Variants in FBN3 observed in about 807,000 individuals in gnomAD.
FBN3 encodes the protein fibrillin-3.
Under a neutral mutation model 330.1 loss-of-function variants are expected in FBN3, and 234 were observed. That is an observed-to-expected ratio of 0.71 (90% CI 0.64 to 0.79). The LOEUF (loss-of-function observed/expected upper bound fraction) is 0.79, where lower values mean the gene tolerates loss of function less well. Ranked by LOEUF, FBN3 falls within the 30% of genes least tolerant of loss-of-function variation. The pLI, the probability that FBN3 is intolerant of heterozygous loss-of-function variation, is 0.00. For missense variants in FBN3, 3,606 were observed against 3,886.9 expected (o/e 0.93, Z 1.92); for synonymous variants, 1,458 against 1,517.3 (o/e 0.96, Z 0.91).
Position 8,089,569 on chromosome 19 carries a change from C to T in FBN3, c.6352G>A (p.Asp2118Asn), listed in dbSNP as rs2082046172. The T allele has an allele frequency of 2.5e-6, 4 of 1,614,146 alleles. No individual in the cohort carries two copies. Among genetic ancestry groups the T allele is most frequent in the Non-Finnish European group, 3.4e-6 (4 of 1,180,006 alleles). Reference protein sequence around the residue: ...RCECPFGYSLDFTGINCVDTD... With the variant: ...RCECPFGYSLNFTGINCVDTD... ...CCCACACAGTTGATGCCAGTGAAGTCCAGGCTGTAGCCAAAGGGACACTCA... is the reference window on the plus strand; with the variant it reads ...CCCACACAGTTGATGCCAGTGAAGTTCAGGCTGTAGCCAAAGGGACACTCA... Residue 2118 changes from aspartate to asparagine, a missense_variant, in exon 51 of 64, where the codon GAC becomes AAC. Coordinates refer to ENST00000600128, the MANE Select transcript of FBN3 (RefSeq NM_032447.5).
rs536831186 is a variant in FBN3, at chr19:8,125,705, C to T, written c.2731+187G>A. Among the ~76,000 whole-genome samples the T allele has an allele frequency of 1.3e-3, 197 of 151,422 alleles. 1 individual carries two copies. The highest frequency in any genetic ancestry group is 4.5e-3 in the African/African-American group (185 of 41,274). On this transcript the variant is annotated intron_variant, in intron 22 of 63. Transcript: ENST00000600128. ...ACTCAGGAGGCTGAGGCAGGAGAAT[C>T]GCTTGAACCCGGGAGGCGGAAGTTA...
intron 38 of FBN3, among the ~76,000 whole-genome samples, chr19:8,105,115 C>T (rs900571213): frequency 1.3e-5 from 2 of 151,630 alleles, no homozygotes; most frequent in Non-Finnish European, 2.9e-5. Context: ...TCACTATGCC[C>T]GGCTAATTTT....
Position 8,089,922 on chromosome 19 carries a change from TG to T in FBN3, c.6221del (p.Ala2074GlufsTer12). On this transcript the variant is annotated frameshift_variant, in exon 50 of 64. Transcript: ENST00000600128. LOFTEE classifies it high-confidence loss of function. Reference protein sequence around the residue: ...FQELCPFGHGAVPGPDDSRED... With the variant: ...FQELCPFGHGXVPGPDDSRED... ...CTCGGGAGTCATCCGGGCCTGGGAC[TG>T]CCCCGTGGCCAAAGGGGCAGAGCTC... The T allele has an allele frequency of 6.2e-7, 1 of 1,606,630 alleles. No homozygotes were observed. Among genetic ancestry groups the T allele is most frequent in the Non-Finnish European group, 8.5e-7 (1 of 1,177,262 alleles).
Position 8,081,084 on chromosome 19 carries a change from G to A in FBN3, c.7372C>T (p.Gln2458Ter), listed in dbSNP as rs927168879. Residue 2458 changes from glutamine (Q) to a stop codon, truncating the protein, a stop_gained, in exon 59 of 64, where the codon CAG (glutamine) becomes TAG (stop). Transcript: ENST00000600128. LOFTEE classifies it high-confidence loss of function. ...CCCACAGTGTTGACACAGAGGAACT[G>A]ACAGTTGTGCTGCCGGGAGGTGCAT... ...DECTSRQHNC[Q>*]FLCVNTVGAF... 7.4e-6 allele frequency: 12 copies of A among 1,613,696 alleles called. No homozygotes were observed. The highest frequency in any genetic ancestry group is 1.6e-4 in the Middle Eastern group (1 of 6,080).
chr19:8,080,974 C>G, intron 59 of FBN3, 29 bp downstream of exon 59: 1 of 1,508,320 alleles, frequency 6.6e-7, no homozygotes, highest in Non-Finnish European at 9.2e-7. Flanking sequence ...TCATGGGTCA[C>G]CTCCCGGTGA....
intron 63 of FBN3, among the ~76,000 whole-genome samples, chr19:8,070,793 C>T (rs535820344): frequency 1.9e-4 from 29 of 152,180 alleles, no homozygotes; most frequent in East Asian, 5.8e-4. Context: ...GAGGCCGAGC[C>T]GGGTGGATCA....
Position 8,106,234 on chromosome 19 carries a change from C to T in FBN3, c.4688-1G>A, listed in dbSNP as rs763235992. 2 of 1,614,150 alleles carry T rather than the reference C, an allele frequency of 1.2e-6. No homozygotes were observed. Among genetic ancestry groups the T allele is most frequent in the Non-Finnish European group, 1.7e-6 (2 of 1,180,012 alleles). ...GGCAGCTCTTGGCACTCGTCGATGTCTGTCAGGAAGTAAGGAAGCCAAGCT... is the reference window on the plus strand; with the variant it reads ...GGCAGCTCTTGGCACTCGTCGATGTTTGTCAGGAAGTAAGGAAGCCAAGCT... On this transcript the variant is annotated splice_acceptor_variant, in intron 37 of 63. Coordinates refer to ENST00000600128, the MANE Select transcript of FBN3 (RefSeq NM_032447.5). LOFTEE classifies it high-confidence loss of function.
Position 8,147,436 on chromosome 19 carries a change from C to T in FBN3, c.45G>A (p.Arg15=). 6.3e-7 allele frequency: 1 copy of T among 1,576,006 alleles called. No homozygotes were observed. The highest frequency in any genetic ancestry group is 1.9e-5 in the Admixed American group (1 of 53,308). The part of the protein sequence containing the change: ...GLYLARGPLA[R]LLLAWSALLC... Reference sequence around the variant, plus strand: ...ACAGGGCCGACCAGGCCAGCAGGAGCCGGGCCAGGGGGCCCCTTGCCAAAT... The same window carrying T: ...ACAGGGCCGACCAGGCCAGCAGGAGTCGGGCCAGGGGGCCCCTTGCCAAAT... Residue 15 remains arginine (R), a synonymous_variant, in exon 2 of 64, where the codon CGG becomes CGA. Coordinates refer to ENST00000600128, the MANE Select transcript of FBN3 (RefSeq NM_032447.5).
At chr19:8,124,458 C>T (rs2082932074) in intron 22 of FBN3, among the ~76,000 whole-genome samples, 1 of 151,606 alleles carries the variant, frequency 6.6e-6, no homozygotes, top group South Asian at 2.1e-4. Flanking sequence ...GTTGGCCAGG[C>T]TGATCTCGAA....
chr19:8,098,926 C>G (rs1327408029), intron 41 of FBN3, among the ~76,000 whole-genome samples: 1 of 152,098 alleles, frequency 6.6e-6, no homozygotes, highest in Non-Finnish European at 1.5e-5. Context: ...TGGAAATTAC[C>G]TAAGTTCCCA....
rs1345525296 is a variant in FBN3, at chr19:8,111,994, T to C, written c.3944A>G (p.Asp1315Gly). The change falls in exon 31 of 64, where the codon GAT (aspartate) becomes GGT (glycine). Residue 1315 changes from aspartate (D) to glycine (G), a missense_variant. By Grantham distance (94) the Asp-to-Gly change is moderately conservative (BLOSUM62 -1). Transcript: ENST00000600128. ...GTACTCACCGTGACATTCGAAGCCATCCCCCACCCAGCCTGGCAGGCACCT... is the reference window on the plus strand; with the variant it reads ...GTACTCACCGTGACATTCGAAGCCACCCCCCACCCAGCCTGGCAGGCACCT... ...SCRCLPGWVG[D>G]GFECHDLDEC... 1 of 1,512,358 alleles carries C rather than the reference T, an allele frequency of 6.6e-7. No homozygotes were observed. 93.7% of individuals were successfully genotyped at this position (1,512,358 alleles called of 1,614,324 possible).
chr19:8,125,181 G>T (rs567831583), intron 22 of FBN3, among the ~76,000 whole-genome samples: 8 of 152,200 alleles, frequency 5.3e-5, no homozygotes, highest in African/African-American at 1.7e-4. Context: ...ATCCCTTGAG[G>T]CCAGGAGTTT....
At chr19:8,088,217 G>A (rs1240850029) in intron 51 of FBN3, 38 bp from the exon 52 acceptor site, 2 of 1,552,594 alleles carry the variant, frequency 1.3e-6, no homozygotes, top group African/African-American at 2.7e-5. Flanking sequence ...ACCTGCAGAG[G>A]GTCCCCCATC....
rs114947960 is a variant in FBN3, at chr19:8,147,092, G to A, written c.250+12C>T. On this transcript the variant is annotated intron_variant, in intron 3 of 63. Coordinates refer to ENST00000600128, the MANE Select transcript of FBN3 (RefSeq NM_032447.5). ...CTGTGCCCCCCCACCTCCAGACGGC[G>A]GTAGCACTCACGTACGACACACTGG... 3.9e-5 allele frequency: 61 copies of A among 1,551,584 alleles called. No homozygotes were observed. In the African/African-American group the frequency reaches 4.4e-4, roughly 11 times the overall value.
chr19:8,066,376 G>A (rs1599244025), intron 63 of FBN3, 116 bp from the exon 64 acceptor site: 1 of 762,750 alleles, frequency 1.3e-6, no homozygotes, highest in African/African-American at 1.8e-5. Flanking sequence ...TAAAGTGAAG[G>A]AAAGAGCCAT....
chr19:8,100,883 C>T lies in FBN3; in HGVS notation c.5161+18G>A, dbSNP rs1356394303. 2 of 1,610,490 alleles carry T rather than the reference C, an allele frequency of 1.2e-6. No individual in the cohort carries two copies. The highest frequency in any genetic ancestry group is 1.7e-5 in the Admixed American group (1 of 59,900). ...GGTGGATGGGTGCCCAGGGATAGAGCAGGGACCACTCACTCACCAAGGGGC... is the reference window on the plus strand; with the variant it reads ...GGTGGATGGGTGCCCAGGGATAGAGTAGGGACCACTCACTCACCAAGGGGC... On this transcript the variant is annotated intron_variant, in intron 41 of 63. Transcript: ENST00000600128.
chr19:8,089,692 G>A (rs367910198), intron 50 of FBN3, 22 bp from the exon 51 acceptor site: 7 of 1,613,016 alleles, frequency 4.3e-6, no homozygotes, highest in Admixed American at 1.7e-5. Context: ...AGGCGTTGCA[G>A]ACATGGCTTC....
At chr19:8,083,921 G>A (rs1046309691) in intron 56 of FBN3, among the ~76,000 whole-genome samples, 2 of 151,116 alleles carry the variant, frequency 1.3e-5, no homozygotes, top group African/African-American at 4.9e-5. Context: ...TCCTGCCTCA[G>A]CCTCCCAAGT....
intron 24 of FBN3, among the ~76,000 whole-genome samples, chr19:8,123,069 G>A (rs1306293564): frequency 6.6e-6 from 1 of 151,814 alleles, no homozygotes; most frequent in Non-Finnish European, 1.5e-5. Flanking sequence ...AAGAACAGGT[G>A]TTCGCCAGGC....
Sources: allele counts gnomAD v4.1 joint callset (sites outside exome capture counted in the v4.1 genomes callset), GRCh38; gene constraint gnomAD v4.1.1; transcripts MANE v1.5; gene names NCBI Gene and HGNC (gene_info 2026-07-23, HGNC 2026-07-21).